The following RBM10 variants were observed in gnomAD, a reference collection of about 807,000 sequenced individuals.
RBM10 encodes RNA-binding protein 10.
In RBM10, 1 loss-of-function variant was observed where a neutral mutation model predicts 84.9. The ratio of observed to expected loss-of-function variants is 0.01; its 90% CI spans 0.00 to 0.06. The LOEUF is 0.06. Ranked by LOEUF, RBM10 falls within the 10% of genes least tolerant of loss-of-function variation. RBM10 has a pLI of 1.00. For missense variants in RBM10, 438 were observed against 839.0 expected (o/e 0.52, Z 5.90); for synonymous variants, 326 against 344.5 (o/e 0.95, Z 0.60).
chrX:47,184,571 T>C (rs1448157762), intron 17 of RBM10, among the ~76,000 whole-genome samples: 10 of 110,689 alleles, frequency 9.0e-5, no homozygotes, highest in African/African-American at 3.3e-4. Context: ...TGACAGAAAA[T>C]AGGAACTTGC....
At chrX:47,178,970 G>T in intron 7 of RBM10, 133 bp from the exon 8 acceptor site, 1 of 1,137,510 alleles carries the variant, frequency 8.8e-7, no homozygotes, top group Non-Finnish European at 1.2e-6. Flanking sequence ...GGTTCAGAAG[G>T]CACCTGCCAC....
Position 47,180,047 on chromosome X carries a change from G to A in RBM10, c.1062+7G>A, listed in dbSNP as rs2147174651. Reference sequence around the variant, plus strand: ...CCAGCTCTCCACCATCGTGGTGAGGGCGGCACAGTTGGGGGCCGGGCAGCC... The same window carrying A: ...CCAGCTCTCCACCATCGTGGTGAGGACGGCACAGTTGGGGGCCGGGCAGCC... On this transcript the variant is annotated splice_region_variant and intron_variant, in intron 10 of 23. Coordinates refer to ENST00000377604, the MANE Select transcript of RBM10 (RefSeq NM_005676.5). 1 of 1,211,368 alleles carries A rather than the reference G, an allele frequency of 8.3e-7. No homozygotes were observed. Among genetic ancestry groups the A allele is most frequent in the Non-Finnish European group, 1.1e-6 (1 of 895,297 alleles).
intron 1 of RBM10, among the ~76,000 whole-genome samples, chrX:47,147,132 T>C (rs1395932808): frequency 1.8e-5 from 2 of 111,892 alleles, no homozygotes; most frequent in African/African-American, 6.5e-5. Context: ...GCTGAAGTCC[T>C]TGCTGTTTTC....
intron 3 of RBM10, among the ~76,000 whole-genome samples, chrX:47,170,050 C>G (rs1439210143): frequency 1.8e-5 from 2 of 113,205 alleles, no homozygotes; most frequent in African/African-American, 6.4e-5. Context: ...AGGGAGCCCC[C>G]ACCCGAGGGG....
rs924378887 is a variant in RBM10, at chrX:47,145,328, C to T, written c.-283C>T. 32 of 796,105 alleles carry T rather than the reference C, an allele frequency of 4.0e-5. No individual in the cohort carries two copies. The highest frequency in any genetic ancestry group is 6.4e-4 in the Middle Eastern group (2 of 3,144). The allele number at this position is 796,105 out of a possible 1,213,427, so 65.6% of individuals were successfully genotyped here. On this transcript the variant is annotated 5_prime_UTR_variant, in exon 1 of 24. Transcript: ENST00000377604. ...GCGGCAGTGAGTTTCCCTGGGAGGG[C>T]AGCGCGCTTGGCGCTTCTCCCCTCC...
At chrX:47,177,864 G>A (rs1556776903) in intron 7 of RBM10, among the ~76,000 whole-genome samples, 1 of 111,410 alleles carries the variant, frequency 9.0e-6, no homozygotes, top group African/African-American at 3.3e-5. Flanking sequence ...CAGTCCTCAC[G>A]CCTCAGCCTC....
chrX:47,176,826 G>A (rs1935190235), intron 7 of RBM10, among the ~76,000 whole-genome samples: 2 of 110,138 alleles, frequency 1.8e-5, no homozygotes, highest in African/African-American at 6.6e-5. Flanking sequence ...GCGTTCACTT[G>A]GTGCAGGCTC....
intron 2 of RBM10, among the ~76,000 whole-genome samples, chrX:47,149,817 A>ATT (rs1219884284): frequency 2.7e-4 from 23 of 86,045 alleles, no homozygotes; most frequent in East Asian, 3.5e-4. Context: ...TGCTAGCATC[A>ATT]TTTTTTTTTT....
intron 1 of RBM10, 67 bp from the exon 2 acceptor site, chrX:47,147,290 G>C (rs2147063292): frequency 9.6e-7 from 1 of 1,040,762 alleles, no homozygotes; most frequent in Non-Finnish European, 1.3e-6. Flanking sequence ...TTGACAATAA[G>C]AGTTTCTCAA....
At chrX:47,165,877 G>C (rs1466666306) in intron 2 of RBM10, among the ~76,000 whole-genome samples, 1 of 110,105 alleles carries the variant, frequency 9.1e-6, no homozygotes, top group African/African-American at 3.3e-5. Context: ...AAAATTATCC[G>C]GGCGTGGCTG....
rs1556771119 is a variant in RBM10 at position 47,169,511 on chromosome X, C to T, written c.201+13C>T. Reference sequence around the variant, plus strand: ...GCAGAGTGCGGAGGTGAGGAGGGGGCGCGCTGCGCCAGGCCTGGCTGGGAT... The same window carrying T: ...GCAGAGTGCGGAGGTGAGGAGGGGGTGCGCTGCGCCAGGCCTGGCTGGGAT... On this transcript the variant is annotated intron_variant, in intron 3 of 23. Transcript: ENST00000377604. 5 of 1,198,119 alleles carry T rather than the reference C, an allele frequency of 4.2e-6. No individual in the cohort carries two copies. Among genetic ancestry groups the T allele is most frequent in the African/African-American group, 3.5e-5 (2 of 57,709 alleles).
intron 5 of RBM10, 71 bp from the exon 6 acceptor site, chrX:47,174,948 G>C: frequency 1.1e-6 from 1 of 901,142 alleles, no homozygotes; most frequent in Non-Finnish European, 1.6e-6. Flanking sequence ...CTCGGGTCCC[G>C]CCCCCGGGAA....
intron 2 of RBM10, among the ~76,000 whole-genome samples, chrX:47,164,993 C>T (rs1410014813): frequency 2.7e-5 from 3 of 111,817 alleles, no homozygotes; most frequent in Non-Finnish European, 5.6e-5. Context: ...ACCTTGAAAA[C>T]ATGCCAGGTG....
At chrX:47,179,520 C>G (rs2147170165) in intron 9 of RBM10, 25 bp downstream of exon 9, 1 of 1,190,280 alleles carries the variant, frequency 8.4e-7, no homozygotes, top group Non-Finnish European at 1.1e-6. Context: ...CCTTCTTCCT[C>G]TGTGCCCTAG....
At chrX:47,164,913 A>G (rs781973701) in intron 2 of RBM10, among the ~76,000 whole-genome samples, 55 of 112,579 alleles carry the variant, frequency 4.9e-4, no homozygotes, top group Non-Finnish European at 9.0e-4. Context: ...CAAAATATGC[A>G]TACTACAATA....
Position 47,185,134 on chromosome X carries a change from G to C in RBM10, c.2030G>C (p.Ser677Thr), listed in dbSNP as rs2147210723. 8.3e-7 allele frequency: 1 copy of C among 1,211,980 alleles called. No individual in the cohort carries two copies. Among genetic ancestry groups the C allele is most frequent in the African/African-American group, 1.7e-5 (1 of 57,870 alleles). Residue 677 changes from serine to threonine, a missense_variant, in exon 18 of 24, where the codon AGC becomes ACC. Physicochemically the swap from Ser to Thr is moderately conservative, Grantham distance 58. Around this residue, in one of 8 missense-constraint regions of RBM10, gnomAD observed 39 missense variants for 119.5 expected, o/e 0.33. Coordinates refer to ENST00000377604, the MANE Select transcript of RBM10 (RefSeq NM_005676.5). The part of the protein sequence containing the change: ...ENFKNSFQPI[S>T]SLRDDERRES... ...TTCAAAAATAGCTTCCAGCCTATCA[G>C]CTCCCTGCGAGATGACGAGAGGCGG...
chrX:47,161,536 T>TGAGAGAGAGAGAGAGA (rs376441587), intron 2 of RBM10, among the ~76,000 whole-genome samples: 3 of 62,185 alleles, frequency 4.8e-5, no homozygotes, highest in Non-Finnish European at 5.7e-5. Flanking sequence ...TTTTTTTTAG[T>TGAGAGAGAGAGAGAGA]GAGAGAGAGA....
At chrX:47,151,440 G>C (rs1902461890) in intron 2 of RBM10, among the ~76,000 whole-genome samples, 1 of 111,883 alleles carries the variant, frequency 8.9e-6, no homozygotes, top group African/African-American at 3.2e-5. Flanking sequence ...TGATTCTGAT[G>C]TTCTTTCTAA....
At chrX:47,174,695 C>G (rs782094676) in intron 5 of RBM10, among the ~76,000 whole-genome samples, 2 of 110,564 alleles carry the variant, frequency 1.8e-5, no homozygotes, top group Non-Finnish European at 3.8e-5. Context: ...TGCTTCTCTC[C>G]GTCTCTGTCA....
Sources: allele counts gnomAD v4.1 joint callset (sites outside exome capture counted in the v4.1 genomes callset), GRCh38; gene constraint gnomAD v4.1.1; regional missense constraint gnomAD v4.1.1; transcripts MANE v1.5; gene names NCBI Gene and HGNC (gene_info 2026-07-23, HGNC 2026-07-21).